Variants in RYR3 observed in about 807,000 individuals in gnomAD.
RYR3 encodes the protein brain ryanodine receptor-calcium release channel.
In RYR3, 207 loss-of-function variants were observed where a neutral mutation model predicts 584.3. The ratio of observed to expected loss-of-function variants is 0.35; its 90% CI spans 0.32 to 0.40. The LOEUF (loss-of-function observed/expected upper bound fraction) is 0.40. Among genes scored for constraint, RYR3 ranks in the 10% least tolerant of loss-of-function variants. RYR3 has a pLI of 1.00. For missense variants in RYR3, 5,616 were observed against 6,089.2 expected (o/e 0.92, Z 2.59); for synonymous variants, 2,416 against 2,248.5 (o/e 1.07, Z -2.11).
chr15:33,811,639 A>G (rs1045072897), intron 72 of RYR3, among the ~76,000 whole-genome samples: 2 of 62,046 alleles, frequency 3.2e-5, no homozygotes, highest in African/African-American at 1.1e-4. Flanking sequence ...AGGATACCCA[A>G]TAAAGCATCT....
At chr15:33,510,972 A>AT in intron 3 of RYR3, among the ~76,000 whole-genome samples, 1 of 152,282 alleles carries the variant, frequency 6.6e-6, no homozygotes, top group South Asian at 2.1e-4. Flanking sequence ...TGATGACATG[A>AT]TTTTTGGTTA....
At chr15:33,592,517 G>A (rs746717583) in intron 16 of RYR3, among the ~76,000 whole-genome samples, 1 of 152,188 alleles carries the variant, frequency 6.6e-6, no homozygotes, top group Non-Finnish European at 1.5e-5. Context: ...AGGATGGTGG[G>A]GCCCACTCCT....
intron 8 of RYR3, among the ~76,000 whole-genome samples, chr15:33,545,551 G>A (rs2056173848): frequency 6.6e-6 from 1 of 152,074 alleles, no homozygotes; most frequent in South Asian, 2.1e-4. Context: ...AGCGTGAAGG[G>A]TTTGAGACTG....
rs778434403 is a variant in RYR3 at position 33,486,118 on chromosome 15, G to GTTGTAACT, written c.171+12580_171+12581insTTGTAACT. Among the ~76,000 whole-genome samples the GTTGTAACT allele has an allele frequency of 1.3e-3, 204 of 152,238 alleles. 1 individual carries two copies. Among genetic ancestry groups the GTTGTAACT allele is most frequent in the Admixed American group, 4.1e-3 (62 of 15,280 alleles). On this transcript the variant is annotated intron_variant, in intron 2 of 103. Transcript: ENST00000634891. ...GTGGAAGATCGTTGATAAAGAGGAA[G>GTTGTAACT]CCAAATAACTGAGGAGTTGTAAGAT...
At chr15:33,591,913 T>C (rs1283078936) in intron 16 of RYR3, among the ~76,000 whole-genome samples, 1 of 152,248 alleles carries the variant, frequency 6.6e-6, no homozygotes, top group East Asian at 1.9e-4. Flanking sequence ...AGACTGCTTT[T>C]ACAGATGAAA....
intron 18 of RYR3, among the ~76,000 whole-genome samples, chr15:33,605,671 C>T (rs1291256470): frequency 1.3e-5 from 2 of 152,220 alleles, no homozygotes; most frequent in African/African-American, 4.8e-5. Flanking sequence ...ATTCTGACTT[C>T]TCCAACGAGC....
intron 43 of RYR3, among the ~76,000 whole-genome samples, chr15:33,716,115 C>A (rs148155492): frequency 1.6e-4 from 25 of 152,230 alleles, no homozygotes; most frequent in Middle Eastern, 3.4e-3. Flanking sequence ...ACCTGCTCCC[C>A]CTTCATCTTC....
intron 1 of RYR3, among the ~76,000 whole-genome samples, chr15:33,411,320 C>T (rs1049161807): frequency 5.3e-5 from 8 of 152,176 alleles, no homozygotes; most frequent in East Asian, 3.9e-4. Context: ...CCATCACTGA[C>T]GTCTTTAGGG....
At chr15:33,802,971 C>G (rs1420660841) in intron 69 of RYR3, among the ~76,000 whole-genome samples, 1 of 152,140 alleles carries the variant, frequency 6.6e-6, no homozygotes, top group Non-Finnish European at 1.5e-5. Context: ...TTCCAAATAA[C>G]CATTTGGGAT....
intron 10 of RYR3, among the ~76,000 whole-genome samples, chr15:33,559,440 A>G (rs1300148955): frequency 6.6e-6 from 1 of 152,190 alleles, no homozygotes; most frequent in African/African-American, 2.4e-5. Flanking sequence ...GCAGGGTCAC[A>G]TAGGAAAGCA....
At chr15:33,556,858 T>TC (rs908388673) in intron 10 of RYR3, among the ~76,000 whole-genome samples, 1 of 152,196 alleles carries the variant, frequency 6.6e-6, no homozygotes, top group Non-Finnish European at 1.5e-5. Flanking sequence ...GTTGTTTTTT[T>TC]TCCCCAAACT....
chr15:33,579,333 A>G (rs1297809087), intron 12 of RYR3, among the ~76,000 whole-genome samples: 2 of 152,168 alleles, frequency 1.3e-5, no homozygotes, highest in Non-Finnish European at 2.9e-5. Flanking sequence ...AGAAAAACAC[A>G]TGCAGAGATC....
chr15:33,594,093 C>G (rs909231097), intron 16 of RYR3, among the ~76,000 whole-genome samples: 2 of 152,130 alleles, frequency 1.3e-5, no homozygotes, highest in Non-Finnish European at 2.9e-5. Flanking sequence ...GGCTTCTGCA[C>G]GTGTCAGAAA....
At chr15:33,686,852 C>T (rs1224769226) in intron 38 of RYR3, among the ~76,000 whole-genome samples, 1 of 152,156 alleles carries the variant, frequency 6.6e-6, no homozygotes, top group Non-Finnish European at 1.5e-5. Context: ...GCAGAAAAGC[C>T]TTCGACAAAA....
chr15:33,779,479 T>C (rs1179134680), intron 64 of RYR3, among the ~76,000 whole-genome samples: 1 of 152,204 alleles, frequency 6.6e-6, no homozygotes, highest in Non-Finnish European at 1.5e-5. Flanking sequence ...GGCAGGTCTT[T>C]TATTTTTGTG....
intron 1 of RYR3, among the ~76,000 whole-genome samples, chr15:33,432,668 T>TTG (rs58292418): frequency 0.14 from 19,041 of 132,010 alleles, 1,598 homozygotes; most frequent in East Asian, 0.36. Flanking sequence ...GCCTAGCTAA[T>TTG]TGTGTGTGTG....
At chr15:33,766,571 TATTA>T (rs2073095000) in intron 60 of RYR3, among the ~76,000 whole-genome samples, 5 of 152,226 alleles carry the variant, frequency 3.3e-5, no homozygotes, top group Non-Finnish European at 7.3e-5. Flanking sequence ...TTTCTTAGAT[TATTA>T]ATTCATGGAA....
intron 57 of RYR3, 67 bp downstream of exon 57, chr15:33,750,353 C>G (rs1253265418): frequency 7.9e-6 from 12 of 1,511,990 alleles, no homozygotes; most frequent in Non-Finnish European, 1.1e-5. Flanking sequence ...AATTACGTGC[C>G]TACAAAACCC....
chr15:33,320,461 G>A (rs1325666538), intron 1 of RYR3, among the ~76,000 whole-genome samples: 1 of 152,234 alleles, frequency 6.6e-6, no homozygotes, highest in Non-Finnish European at 1.5e-5. Context: ...GTTACTGGAA[G>A]TTACATAGAT....
Sources: allele counts gnomAD v4.1 joint callset (sites outside exome capture counted in the v4.1 genomes callset), GRCh38; gene constraint gnomAD v4.1.1; transcripts MANE v1.5; gene names NCBI Gene and HGNC (gene_info 2026-07-23, HGNC 2026-07-21).